Variants in OGDHL observed in about 807,000 individuals in gnomAD.
OGDHL encodes oxoglutarate dehydrogenase L, also known as 2-oxoglutarate dehydrogenase-like, mitochondrial.
In OGDHL, 79 loss-of-function variants were observed where a neutral mutation model predicts 109.6. That is an observed-to-expected ratio of 0.72 (90% CI 0.60 to 0.87). The LOEUF (loss-of-function observed/expected upper bound fraction) is 0.87, where lower values mean the gene tolerates loss of function less well. Ranked by LOEUF, OGDHL falls within the 40% of genes least tolerant of loss-of-function variation. The pLI, the probability that OGDHL is intolerant of heterozygous loss-of-function variation, is 0.00. For missense variants in OGDHL, 1,275 were observed against 1,362.2 expected (o/e 0.94, Z 1.01); for synonymous variants, 528 against 537.2 (o/e 0.98, Z 0.24).
chr10:49,747,111 G>A lies in OGDHL; in HGVS notation c.1085C>T (p.Ser362Phe), dbSNP rs992076177. 4 of 1,614,062 alleles carry A rather than the reference G, an allele frequency of 2.5e-6. No homozygotes were observed. In the South Asian group the frequency reaches 3.3e-5, roughly 13 times the overall value. The change falls in exon 9 of 23, where the codon TCC (serine) becomes TTC (phenylalanine). Residue 362 changes from serine to phenylalanine, a missense_variant. Transcript: ENST00000374103. ...NITLSLVANP[S>F]HLEAVDPVVQ... ...CACAGGGTCCACTGCCTCCAGGTGG[G>A]AGGGGTTGGCAACCAGCGACAGAGT...
chr10:49,739,926 T>A, intron 16 of OGDHL, 87 bp from the exon 17 acceptor site: 1 of 1,347,870 alleles, frequency 7.4e-7, no homozygotes, highest in Non-Finnish European at 1.0e-6. Flanking sequence ...CAGTATATCC[T>A]CCATGCCCCC....
intron 3 of OGDHL, among the ~76,000 whole-genome samples, chr10:49,754,942 A>C (rs1452970386): frequency 6.6e-6 from 1 of 152,228 alleles, no homozygotes; most frequent in East Asian, 1.9e-4. Context: ...TGCTTCAAAG[A>C]AGCAGTAAAA....
chr10:49,740,943 G>T, intron 15 of OGDHL, 106 bp from the exon 16 acceptor site: 1 of 1,429,216 alleles, frequency 7.0e-7, no homozygotes, highest in Non-Finnish European at 9.6e-7. Context: ...CTCCGTCACT[G>T]TCCCAGGAAA....
At position 49,756,785 on chromosome 10, in the gene OGDHL, C is replaced by T; in HGVS notation, c.366G>A (p.Arg122=). 1 of 1,612,794 alleles carries T rather than the reference C, an allele frequency of 6.2e-7. No individual in the cohort carries two copies. The highest frequency in any genetic ancestry group is 1.1e-5 in the South Asian group (1 of 90,720). Residue 122 remains arginine, a synonymous_variant, in exon 3 of 23, where the codon CGG becomes CGA. Transcript: ENST00000374103. ...EDHLAVQSLI[R]AYQIRGHHVA... The stretch of plus-strand genomic sequence containing the variant: ...CTCAGCTGCCCCTCACCTGGTAGGC[C>T]CGGATCAGGGACTGCACAGCCAGGT...
intron 15 of OGDHL, 96 bp downstream of exon 15, chr10:49,742,732 G>A: frequency 6.9e-7 from 1 of 1,442,764 alleles, no homozygotes; most frequent in Middle Eastern, 2.4e-4. Flanking sequence ...ATGCTGTGAA[G>A]ATCCCACCCC....
In OGDHL at chr10:49,742,980, T is replaced by C; in HGVS notation, c.1862-2A>G. ...GGCCCCGCAGAATGCGAGAGAGGCC[T>C]GTGGGAAAGGAGTGCTGGCCTGAGG... On this transcript the variant is annotated splice_acceptor_variant, in intron 14 of 22. Transcript: ENST00000374103. LOFTEE classifies it high-confidence loss of function. 3 of 1,612,344 alleles carry C rather than the reference T, an allele frequency of 1.9e-6. No individual in the cohort carries two copies. The highest frequency in any genetic ancestry group is 2.5e-6 in the Non-Finnish European group (3 of 1,179,852).
chr10:49,744,799 G>T, intron 12 of OGDHL, 47 bp from the exon 13 acceptor site: 3 of 1,486,430 alleles, frequency 2.0e-6, no homozygotes, highest in Non-Finnish European at 2.8e-6. Flanking sequence ...GCCCTGCGCA[G>T]CCAGACGCCC....
chr10:49,740,865 C>T (rs374344259), intron 15 of OGDHL, 28 bp from the exon 16 acceptor site: 10 of 1,612,734 alleles, frequency 6.2e-6, no homozygotes, highest in Non-Finnish European at 7.6e-6. Flanking sequence ...GGGGCAGGGA[C>T]AGAGGGCAGG....
Position 49,735,286 on chromosome 10 carries a change from A to G in OGDHL, c.2975T>C (p.Leu992Pro). 1.2e-6 allele frequency: 2 copies of G among 1,614,154 alleles called. No homozygotes were observed. The highest frequency in any genetic ancestry group is 1.7e-6 in the Non-Finnish European group (2 of 1,180,006). Residue 992 changes from leucine (L) to proline (P), a missense_variant, in exon 23 of 23, where the codon CTG becomes CCG. Transcript: ENST00000374103. ...GAAGGCAGTATCCAGAAACTTCTTC[A>G]GTGACACCAGGTGAGTGTTCCTGTT... The part of the protein sequence containing the change: ...TGNRNTHLVS[L>P]KKFLDTAFNL...
rs192853991 is a variant in OGDHL at position 49,749,917 on chromosome 10, G to A, written c.897-101C>T. ...TGGCCTGGCCTAATACAGCCCCTTC[G>A]TGCCCAGAGCCCTCCTCAGGCCACC... On this transcript the variant is annotated intron_variant, in intron 7 of 22. Transcript: ENST00000374103. 3.1e-3 allele frequency: 3,074 copies of A among 981,370 alleles called. 52 individuals are homozygous for A. Among genetic ancestry groups the A allele is most frequent in the South Asian group, 0.026 (1,818 of 68,990 alleles). 60.8% of individuals were successfully genotyped at this position (981,370 alleles called of 1,614,324 possible).
In OGDHL at chr10:49,734,643, T is replaced by G. The variant is rs1288826161; in HGVS notation, c.*585A>C. The G allele has an allele frequency of 1.3e-5, 2 of 152,148 alleles. No individual in the cohort carries two copies. The highest frequency in any genetic ancestry group is 2.9e-5 in the Non-Finnish European group (2 of 68,034). 9.4% of individuals were successfully genotyped at this position (152,148 alleles called of 1,614,324 possible). ...CAACATGAAATGAAAACAGCAAATCTCTCTGAAGCATGTTTTTATTTCTCT... is the reference window on the plus strand; with the variant it reads ...CAACATGAAATGAAAACAGCAAATCGCTCTGAAGCATGTTTTTATTTCTCT... On this transcript the variant is annotated 3_prime_UTR_variant, in exon 23 of 23. Coordinates refer to ENST00000374103, the MANE Select transcript of OGDHL (RefSeq NM_018245.3).
intron 9 of OGDHL, 42 bp from the exon 10 acceptor site, chr10:49,746,920 C>A: frequency 6.2e-7 from 1 of 1,612,920 alleles, no homozygotes; most frequent in Non-Finnish European, 8.5e-7. Context: ...CGTGCCCCAG[C>A]CCATGTAGCC....
At chr10:49,750,322 A>T (rs971329191) in intron 7 of OGDHL, among the ~76,000 whole-genome samples, 2 of 152,020 alleles carry the variant, frequency 1.3e-5, no homozygotes, top group African/African-American at 4.8e-5. Context: ...CTGCTTCCCC[A>T]CAGGCTCCAG....
intron 3 of OGDHL, among the ~76,000 whole-genome samples, chr10:49,754,643 T>C (rs1842808818): frequency 6.6e-6 from 1 of 150,562 alleles, no homozygotes; most frequent in Non-Finnish European, 1.5e-5. Context: ...ACTGCTCAAG[T>C]GCCATCACCA....
chr10:49,752,529 TC>T, intron 4 of OGDHL, 108 bp downstream of exon 4: 1 of 947,280 alleles, frequency 1.1e-6, no homozygotes, highest in Non-Finnish European at 1.7e-6. Flanking sequence ...TGTGGGCTGC[TC>T]CCCGAGCTCC....
intron 8 of OGDHL, among the ~76,000 whole-genome samples, chr10:49,748,885 G>T (rs957082227): frequency 6.6e-6 from 1 of 152,064 alleles, no homozygotes; most frequent in Non-Finnish European, 1.5e-5. Context: ...GAGAGCCACC[G>T]AAAGGGAAGA....
intron 22 of OGDHL, among the ~76,000 whole-genome samples, chr10:49,735,622 T>C (rs1841099328): frequency 6.6e-6 from 1 of 152,220 alleles, no homozygotes. Flanking sequence ...TCAAAGACTT[T>C]GGGGACAAAC....
At chr10:49,738,694 C>G in intron 17 of OGDHL, 1 of 194,420 alleles carries the variant, frequency 5.1e-6, no homozygotes, top group Non-Finnish European at 1.1e-5. Flanking sequence ...GGGTAAGAAA[C>G]CACCCATGAC....
In OGDHL at chr10:49,752,498, G is replaced by T. The variant is rs915127732; in HGVS notation, c.478+140C>A. On this transcript the variant is annotated intron_variant, in intron 4 of 22. Transcript: ENST00000374103. ...TCTCAGGAACAACAGGCAGTACACA[G>T]GCAAGGTAGAAAGGAGGCCCTGTGG... The T allele has an allele frequency of 6.6e-6, 5 of 754,362 alleles. No individual in the cohort carries two copies. The African/African-American group carries it at 8.6e-5, about 13-fold the overall frequency. The allele number at this position is 754,362 out of a possible 1,614,324, so 46.7% of individuals were successfully genotyped here. A position where few individuals can be genotyped will look rare whatever the true frequency, so the allele number is the denominator to read the frequency against.
Sources: gnomAD v4.1 joint callset for allele counts (sites outside exome capture counted in the v4.1 genomes callset) on GRCh38, gnomAD v4.1.1 for gene constraint, MANE v1.5 for transcripts, NCBI Gene and HGNC (gene_info 2026-07-23, HGNC 2026-07-21) for gene names.